The following VPS53 variants were observed in gnomAD, a reference collection of about 807,000 sequenced individuals.
The protein encoded by VPS53 is VPS53 subunit of GARP complex, also known as vacuolar protein sorting-associated protein 53 homolog.
A neutral mutation model predicts 107.0 loss-of-function variants in VPS53; 70 were observed. That is an observed-to-expected ratio of 0.65 (90% CI 0.54 to 0.80). The LOEUF (loss-of-function observed/expected upper bound fraction) is 0.80. VPS53 is among the 30% of genes least tolerant of loss of function. The pLI, the probability that VPS53 is intolerant of heterozygous loss-of-function variation, is 0.00. For missense variants in VPS53, 917 were observed against 1,049.4 expected, an observed-to-expected ratio of 0.87 and a Z score of 1.74; for synonymous variants, 409 against 393.3, an observed-to-expected ratio of 1.04 and a Z score of -0.47.
chr17:654,177 A>G (rs1185540956), intron 6 of VPS53, among the ~76,000 whole-genome samples: 2 of 152,190 alleles, frequency 1.3e-5, no homozygotes, highest in Non-Finnish European at 2.9e-5. Flanking sequence ...CCAGGGTGAC[A>G]GTGGGAGACT....
intron 4 of VPS53, among the ~76,000 whole-genome samples, chr17:662,831 A>AAG (rs1320984216): frequency 6.7e-4 from 66 of 98,854 alleles, no homozygotes; most frequent in Admixed American, 1.1e-3. Flanking sequence ...GAGAAAGAGA[A>AAG]AGAAAGGAAG....
chr17:571,163 T>G (rs567958531), intron 13 of VPS53, among the ~76,000 whole-genome samples: 1 of 147,710 alleles, frequency 6.8e-6, no homozygotes, highest in East Asian at 2.0e-4. Context: ...AAAACAAAAA[T>G]TAGACTGATG....
At chr17:594,061 A>G (rs1449092451) in intron 12 of VPS53, among the ~76,000 whole-genome samples, 1 of 152,204 alleles carries the variant, frequency 6.6e-6, no homozygotes, top group East Asian at 1.9e-4. Context: ...TCGCAAGAAC[A>G]AAAAACCAAA....
chr17:685,608 T>G (rs1389705651), intron 4 of VPS53, among the ~76,000 whole-genome samples: 1 of 152,184 alleles, frequency 6.6e-6, no homozygotes, highest in Non-Finnish European at 1.5e-5. Flanking sequence ...ATTACATGTA[T>G]TAATAAATTT....
At chr17:655,708 G>A in intron 6 of VPS53, 130 bp downstream of exon 6, 1 of 820,700 alleles carries the variant, frequency 1.2e-6, no homozygotes, top group East Asian at 2.8e-5. Context: ...CTGAACACTT[G>A]AAGCCAATTT....
intron 17 of VPS53, among the ~76,000 whole-genome samples, chr17:550,487 CATAA>C (rs1418852694): frequency 6.6e-6 from 1 of 152,164 alleles, no homozygotes; most frequent in African/African-American, 2.4e-5. Flanking sequence ...ATAGATAATA[CATAA>C]ATAAAGGAAC....
At chr17:643,252 CT>C (rs1209390960) in intron 7 of VPS53, among the ~76,000 whole-genome samples, 2 of 25,918 alleles carry the variant, frequency 7.7e-5, no homozygotes, top group Non-Finnish European at 2.9e-4. Flanking sequence ...AACACTCATA[CT>C]TGGAAAGTGA....
chr17:697,539 C>A lies in VPS53; in HGVS notation c.219-55G>T. ...TCAAATAATCTTTATTCTAGGTTGACCAAAAGAAAAAAAGTAAAAAGTAAT... is the reference window on the plus strand; with the variant it reads ...TCAAATAATCTTTATTCTAGGTTGAACAAAAGAAAAAAAGTAAAAAGTAAT... On this transcript the variant is annotated intron_variant, in intron 3 of 21. Transcript: ENST00000437048. 6.9e-6 allele frequency: 10 copies of A among 1,445,072 alleles called. No individual in the cohort carries two copies. The Admixed American group carries it at 1.1e-4, about 16-fold the overall frequency. The allele number at this position is 1,445,072 out of a possible 1,614,324, so 89.5% of individuals were successfully genotyped here.
At chr17:609,299 G>A (rs990176757) in intron 11 of VPS53, among the ~76,000 whole-genome samples, 2 of 152,158 alleles carry the variant, frequency 1.3e-5, no homozygotes, top group Non-Finnish European at 2.9e-5. Context: ...GTGTGTCCAA[G>A]GTTCACCCAG....
chr17:617,659 G>A (rs1969209445), intron 11 of VPS53, among the ~76,000 whole-genome samples: 1 of 148,114 alleles, frequency 6.8e-6, no homozygotes, highest in African/African-American at 2.5e-5. Context: ...GCACCACCAC[G>A]CCCCACTAAT....
chr17:651,320 T>A (rs1391493786), intron 7 of VPS53, among the ~76,000 whole-genome samples: 2 of 152,242 alleles, frequency 1.3e-5, no homozygotes, highest in Non-Finnish European at 2.9e-5. Context: ...TTGACCTTTT[T>A]AAACAATAGA....
chr17:547,445 A>T (rs955975684), intron 17 of VPS53, among the ~76,000 whole-genome samples: 1 of 152,114 alleles, frequency 6.6e-6, no homozygotes, highest in African/African-American at 2.4e-5. Flanking sequence ...ATGCCATATG[A>T]TTCTAGGTAT....
chr17:575,093 A>C (rs973827568), intron 13 of VPS53, among the ~76,000 whole-genome samples: 5 of 152,134 alleles, frequency 3.3e-5, no homozygotes, highest in African/African-American at 1.2e-4. Context: ...TGCAAGGCAA[A>C]TGACGGCAAG....
intron 11 of VPS53, among the ~76,000 whole-genome samples, chr17:622,585 T>C (rs1969514529): frequency 6.6e-6 from 1 of 152,226 alleles, no homozygotes; most frequent in Non-Finnish European, 1.5e-5. Flanking sequence ...TGTCTACGCA[T>C]ATGTAATGAT....
chr17:685,715 T>C (rs915120153), intron 4 of VPS53, among the ~76,000 whole-genome samples: 3 of 152,118 alleles, frequency 2.0e-5, no homozygotes, highest in African/African-American at 7.2e-5. Flanking sequence ...GAGAAAAATC[T>C]GGAAACAGGT....
At chr17:664,225 C>T (rs1283710008) in intron 4 of VPS53, among the ~76,000 whole-genome samples, 1 of 152,052 alleles carries the variant, frequency 6.6e-6, no homozygotes, top group Non-Finnish European at 1.5e-5. Context: ...ACTACAGGCA[C>T]CTGCCACCAC....
intron 7 of VPS53, among the ~76,000 whole-genome samples, chr17:652,128 G>A (rs1970976652): frequency 6.6e-6 from 1 of 151,932 alleles, no homozygotes; most frequent in African/African-American, 2.4e-5. Flanking sequence ...CCGAGTAGCT[G>A]GGATTACAGG....
At chr17:543,578 GC>G (rs1910873421) in intron 17 of VPS53, among the ~76,000 whole-genome samples, 1 of 151,562 alleles carries the variant, frequency 6.6e-6, no homozygotes, top group Non-Finnish European at 1.5e-5. Context: ...CTGCTAGGGA[GC>G]CCACGGCTCT....
At chr17:565,458 C>T (rs1428967206) in intron 13 of VPS53, among the ~76,000 whole-genome samples, 2 of 151,178 alleles carry the variant, frequency 1.3e-5, no homozygotes, top group Non-Finnish European at 2.9e-5. Flanking sequence ...CTATTATATC[C>T]AGATACAACC....
Sources: allele counts gnomAD v4.1 joint callset (sites outside exome capture counted in the v4.1 genomes callset), GRCh38; gene constraint gnomAD v4.1.1; transcripts MANE v1.5; gene names NCBI Gene and HGNC (gene_info 2026-07-23, HGNC 2026-07-21).